CACNB4: variants seen among roughly 807,000 people sequenced by gnomAD.
The protein encoded by CACNB4 is voltage-dependent L-type calcium channel subunit beta-4.
In CACNB4, 32 loss-of-function variants were observed where a neutral mutation model predicts 71.2. The ratio of observed to expected loss-of-function variants is 0.45; its 90% CI spans 0.34 to 0.60. The LOEUF (loss-of-function observed/expected upper bound fraction) is 0.60. Ranked by LOEUF, CACNB4 falls within the 20% of genes least tolerant of loss-of-function variation. The pLI, the probability that CACNB4 is intolerant of heterozygous loss-of-function variation, is 0.01. For missense variants in CACNB4, 464 were observed against 647.9 expected (o/e 0.72, Z 3.08); for synonymous variants, 231 against 236.9 (o/e 0.97, Z 0.23).
chr2:151,953,302 G>A (rs1297024861), intron 2 of CACNB4, among the ~76,000 whole-genome samples: 1 of 152,038 alleles, frequency 6.6e-6, no homozygotes, highest in Admixed American at 6.5e-5. Context: ...GACACCAGCA[G>A]GTCCCCATCC....
intron 2 of CACNB4, among the ~76,000 whole-genome samples, chr2:151,884,467 C>CAA (rs35007488): frequency 0.02 from 2,394 of 117,008 alleles, 31 homozygotes; most frequent in Middle Eastern, 0.032. Context: ...ACTAAAAATA[C>CAA]AAAAAAAAAA....
rs535351591 is a variant in CACNB4 at position 151,942,415 on chromosome 2, C to T, written c.148-59045G>A. 4.7e-4 allele frequency among the ~76,000 whole-genome samples: 70 copies of T among 149,272 alleles called. 1 individual carries two copies. Among genetic ancestry groups the T allele is most frequent in the Admixed American group, 7.9e-4 (12 of 15,240 alleles). ...CTGAGGATGTACATCACCTCAGGAC[C>T]ACTGTGATAATTGTGTTAACTGTAC... On this transcript the variant is annotated intron_variant, in intron 2 of 13. Coordinates refer to ENST00000539935, the MANE Select transcript of CACNB4 (RefSeq NM_000726.5).
At chr2:151,909,392 T>C (rs1164772574) in intron 2 of CACNB4, among the ~76,000 whole-genome samples, 1 of 147,144 alleles carries the variant, frequency 6.8e-6, no homozygotes, top group Non-Finnish European at 1.5e-5. Flanking sequence ...GCCGAGATCA[T>C]GCCACTGCAC....
intron 2 of CACNB4, among the ~76,000 whole-genome samples, chr2:152,072,896 G>A (rs540783989): frequency 1.2e-4 from 18 of 151,390 alleles, no homozygotes; most frequent in South Asian, 6.3e-4. Context: ...GGATCCGCCC[G>A]CCTCGGCCTC....
rs575286759 is a variant in CACNB4 at position 151,930,772 on chromosome 2, A to G, written c.148-47402T>C. Among the ~76,000 whole-genome samples the G allele has an allele frequency of 1.6e-3, 243 of 152,292 alleles. 1 individual carries two copies. Among genetic ancestry groups the G allele is most frequent in the Middle Eastern group, 6.8e-3 (2 of 294 alleles). ...ATTTTTTAAACCCATTTATTTTTACATATGTATGTATATGTACATGCATAT... is the reference window on the plus strand; with the variant it reads ...ATTTTTTAAACCCATTTATTTTTACGTATGTATGTATATGTACATGCATAT... On this transcript the variant is annotated intron_variant, in intron 2 of 13. Transcript: ENST00000539935.
At chr2:151,947,348 C>T (rs1484180058) in intron 2 of CACNB4, among the ~76,000 whole-genome samples, 1 of 152,154 alleles carries the variant, frequency 6.6e-6, no homozygotes, top group African/African-American at 2.4e-5. Flanking sequence ...AGAAGAATCA[C>T]GTGGGGTACT....
intron 2 of CACNB4, among the ~76,000 whole-genome samples, chr2:151,912,060 T>C (rs1384057627): frequency 1.3e-5 from 2 of 152,110 alleles, no homozygotes; most frequent in African/African-American, 4.8e-5. Flanking sequence ...TCTTCTCTCT[T>C]TTCTTCTTCT....
intron 2 of CACNB4, among the ~76,000 whole-genome samples, chr2:152,092,486 T>C (rs1688027293): frequency 6.6e-6 from 1 of 152,226 alleles, no homozygotes; most frequent in Non-Finnish European, 1.5e-5. Flanking sequence ...ATCATCTGAT[T>C]AGCATACCTT....
chr2:151,963,663 A>G (rs982948574), intron 2 of CACNB4, among the ~76,000 whole-genome samples: 8 of 152,334 alleles, frequency 5.3e-5, no homozygotes, highest in African/African-American at 1.9e-4. Flanking sequence ...ATGTTTTACA[A>G]TGCTCACCAA....
intron 2 of CACNB4, chr2:151,967,523 AC>A (rs2099871471): frequency 6.6e-6 from 1 of 152,190 alleles, no homozygotes; most frequent in Non-Finnish European, 1.5e-5. Flanking sequence ...TTCAACTACA[AC>A]CTTATCACTC....
chr2:151,874,302 T>C (rs2099845384), intron 5 of CACNB4, among the ~76,000 whole-genome samples: 2 of 151,872 alleles, frequency 1.3e-5, no homozygotes, highest in Admixed American at 6.6e-5. Flanking sequence ...ACCCCACCTC[T>C]ACCAAAAATA....
At chr2:152,064,788 A>T (rs1686213227) in intron 2 of CACNB4, among the ~76,000 whole-genome samples, 1 of 152,250 alleles carries the variant, frequency 6.6e-6, no homozygotes, top group South Asian at 2.1e-4. Context: ...CAGTTACCCA[A>T]AAACTGGTAT....
Position 152,098,645 on chromosome 2 carries a change from T to A in CACNB4, c.64-232A>T. ...GAGCAGCCCGCAAGCACCCACCACA[T>A]CCATTAACAAAGACTCTCAGGGTGC... On this transcript the variant is annotated intron_variant, in intron 1 of 13. Transcript: ENST00000539935. This position sits in a 1 kb window ranked among gnomAD's most constrained non-coding sequence, Gnocchi z 5.3. The A allele has an allele frequency of 7.2e-7, 1 of 1,384,182 alleles. No homozygotes were observed. The highest frequency in any genetic ancestry group is 9.6e-7 in the Non-Finnish European group (1 of 1,040,054). 85.7% of individuals were successfully genotyped at this position (1,384,182 alleles called of 1,614,324 possible).
chr2:151,900,908 A>G (rs2099853214), intron 2 of CACNB4, among the ~76,000 whole-genome samples: 1 of 152,170 alleles, frequency 6.6e-6, no homozygotes, highest in South Asian at 2.1e-4. Context: ...ACTAAAGGGG[A>G]AAAAACATCT....
intron 2 of CACNB4, among the ~76,000 whole-genome samples, chr2:151,963,758 A>C (rs543100504): frequency 4.1e-4 from 63 of 152,286 alleles, no homozygotes; most frequent in Non-Finnish European, 1.0e-4. Context: ...CTCCATGTGT[A>C]CACAATGATT....
chr2:152,002,033 AC>A (rs1477556767), intron 2 of CACNB4, among the ~76,000 whole-genome samples: 1 of 152,230 alleles, frequency 6.6e-6, no homozygotes, highest in African/African-American at 2.4e-5. Context: ...CAAAGTCTTC[AC>A]ATGCCACACA....
chr2:151,971,008 A>G (rs2099872391), intron 2 of CACNB4: 2 of 152,652 alleles, frequency 1.3e-5, no homozygotes, highest in South Asian at 2.1e-4. Context: ...AAAAAAAAAA[A>G]GAATCTAAAA....
intron 2 of CACNB4, among the ~76,000 whole-genome samples, chr2:152,065,395 A>T (rs923807990): frequency 6.6e-6 from 1 of 152,088 alleles, no homozygotes; most frequent in East Asian, 1.9e-4. Context: ...AAGAAAAAAA[A>T]AAAAAAGAGA....
intron 2 of CACNB4, chr2:151,972,528 T>C (rs867350275): frequency 6.6e-6 from 1 of 152,170 alleles, no homozygotes; most frequent in Non-Finnish European, 1.5e-5. Context: ...TATGAGCACG[T>C]TGGGCAACAC....
Sources: gnomAD v4.1 joint callset for allele counts (sites outside exome capture counted in the v4.1 genomes callset) on GRCh38, gnomAD v4.1.1 for gene constraint, Gnocchi (gnomAD v3.1) non-coding constraint, MANE v1.5 for transcripts, NCBI Gene and HGNC (gene_info 2026-07-23, HGNC 2026-07-21) for gene names.